COL5A2: variants seen among roughly 807,000 people sequenced by gnomAD.
COL5A2 encodes the protein collagen alpha-2(V) chain.
In COL5A2, 23 loss-of-function variants were observed where a neutral mutation model predicts 208.2. That is an observed-to-expected ratio of 0.11 (90% confidence interval 0.08 to 0.16). The LOEUF (loss-of-function observed/expected upper bound fraction) is 0.16, where lower values mean the gene tolerates loss of function less well. COL5A2 is among the 10% of genes least tolerant of loss of function. The probability of loss-of-function intolerance (pLI) is 1.00; values close to 1 mark genes in which losing one functional copy is unlikely to be tolerated. For synonymous variants in COL5A2, 625 were observed against 628.5 expected (o/e 0.99, Z 0.08); for missense variants, 1,590 against 1,956.4 (o/e 0.81, Z 3.53).
chr2:189,232,861 A>G, the COL5A2 span, among the ~76,000 whole-genome samples: 1 of 151,694 alleles, frequency 6.6e-6, no homozygotes, highest in South Asian at 2.1e-4. Flanking sequence ...TTGATCTTAA[A>G]CTTCCCAGCC....
the COL5A2 span, among the ~76,000 whole-genome samples, chr2:189,432,878 A>G: frequency 7.2e-5 from 11 of 152,208 alleles, no homozygotes; most frequent in East Asian, 1.9e-4. Context: ...AAGAATATAC[A>G]TTATTCTCTG....
At chr2:189,355,376 G>T in the COL5A2 span, among the ~76,000 whole-genome samples, 1 of 152,088 alleles carries the variant, frequency 6.6e-6, no homozygotes. Context: ...TATTGACAGT[G>T]GGGTGTTAAA....
At chr2:189,124,904 T>C (rs1481326933) in intron 1 of COL5A2, among the ~76,000 whole-genome samples, 1 of 152,148 alleles carries the variant, frequency 6.6e-6, no homozygotes, top group African/African-American at 2.4e-5. Flanking sequence ...ATAAATGTAA[T>C]TGCTCACTTT....
chr2:189,102,284 A>C, intron 3 of COL5A2, among the ~76,000 whole-genome samples: 1 of 152,110 alleles, frequency 6.6e-6, no homozygotes, highest in East Asian at 1.9e-4. Context: ...GTAGGGGAAT[A>C]GAACTCTCTG....
upstream of COL5A2, among the ~76,000 whole-genome samples, chr2:189,226,608 T>A (rs1033079945): frequency 6.6e-6 from 1 of 152,118 alleles, no homozygotes; most frequent in African/African-American, 2.4e-5. Context: ...GGTTTTTGTC[T>A]TGCCTGTCTT....
chr2:189,426,168 C>T, the COL5A2 span, among the ~76,000 whole-genome samples: 8 of 152,090 alleles, frequency 5.3e-5, no homozygotes, highest in Non-Finnish European at 1.0e-4. Context: ...TTCCTAGAGA[C>T]TTGATAAGTT....
the COL5A2 span, among the ~76,000 whole-genome samples, chr2:189,273,575 T>C: frequency 1.3e-5 from 2 of 151,996 alleles, no homozygotes; most frequent in African/African-American, 4.8e-5. Flanking sequence ...TTATTCACAA[T>C]AGACAAGACA....
the COL5A2 span, among the ~76,000 whole-genome samples, chr2:189,276,175 A>G: frequency 6.6e-6 from 1 of 152,188 alleles, no homozygotes; most frequent in Non-Finnish European, 1.5e-5. Flanking sequence ...GCTGCTAGGA[A>G]ATTGCAGTAA....
At chr2:189,166,330 A>AT (rs570782908) in intron 1 of COL5A2, among the ~76,000 whole-genome samples, 1,609 of 147,058 alleles carry the variant, frequency 0.011, 20 homozygotes, top group East Asian at 0.056. Context: ...GACAGGTTGA[A>AT]TTTTTTTTTT....
At chr2:189,055,335 G>A (rs1685880935) in intron 35 of COL5A2, among the ~76,000 whole-genome samples, 1 of 152,178 alleles carries the variant, frequency 6.6e-6, no homozygotes, top group African/African-American at 2.4e-5. Flanking sequence ...CTTCTTGACA[G>A]GTAATCACAA....
At chr2:189,299,479 G>A in the COL5A2 span, among the ~76,000 whole-genome samples, 38 of 152,246 alleles carry the variant, frequency 2.5e-4, no homozygotes, top group African/African-American at 8.9e-4. Context: ...GCTGAGATCT[G>A]ATATCAACAT....
chr2:189,217,329 T>C lies in COL5A2; in HGVS notation c.-42+7819A>G, dbSNP rs1196387593. ...CAGCAATGTGTGCACATAATCATAT[T>C]TATAATACAAGTATAAAAAAAGATA... is the stretch of plus-strand genomic sequence containing the variant. On this transcript the variant is annotated intron_variant, in intron 1 of 10. Transcript: ENST00000649966. Among the ~76,000 whole-genome samples, 3 of 152,312 alleles carry C rather than the reference T, an allele frequency of 2.0e-5. No homozygotes were observed. The East Asian group carries it at 5.8e-4, about 29-fold the overall frequency.
chr2:189,363,097 T>C, the COL5A2 span, among the ~76,000 whole-genome samples: 1 of 152,146 alleles, frequency 6.6e-6, no homozygotes, highest in Non-Finnish European at 1.5e-5. Context: ...ATTCAAAATC[T>C]ATAAAATGAC....
At chr2:189,180,279 G>A (rs1441022635), upstream of COL5A2, among the ~76,000 whole-genome samples, 5 of 152,092 alleles carry the variant, frequency 3.3e-5, no homozygotes, top group Non-Finnish European at 7.4e-5. Flanking sequence ...CCATACTCTG[G>A]AAGGAGATTA....
At chr2:189,324,389 T>C in the COL5A2 span, among the ~76,000 whole-genome samples, 2 of 152,066 alleles carry the variant, frequency 1.3e-5, no homozygotes, top group East Asian at 1.9e-4. Context: ...ACCTACAGAA[T>C]GGGAGAAAAT....
At position 189,079,050 on chromosome 2, in the gene COL5A2, A is replaced by G. The variant is rs774223086; in HGVS notation, c.1005+13T>C. The G allele has an allele frequency of 6.2e-7, 1 of 1,608,596 alleles. No homozygotes were observed. Among genetic ancestry groups the G allele is most frequent in the Non-Finnish European group, 8.5e-7 (1 of 1,175,258 alleles). The stretch of plus-strand genomic sequence containing the variant: ...ACCTTAGAAATTTAAGAAACAAGAA[A>G]ACGAGCACATACCAGAGGACCCATG... On this transcript the variant is annotated intron_variant, in intron 15 of 53. Transcript: ENST00000374866.
At chr2:189,260,216 T>C in the COL5A2 span, among the ~76,000 whole-genome samples, 2 of 152,284 alleles carry the variant, frequency 1.3e-5, no homozygotes, top group East Asian at 3.9e-4. Context: ...TATTGTACAG[T>C]TCATTTCAGG....
At chr2:189,194,605 T>G (rs1479475319) in intron 1 of COL5A2, among the ~76,000 whole-genome samples, 2 of 152,192 alleles carry the variant, frequency 1.3e-5, no homozygotes, top group Non-Finnish European at 2.9e-5. Flanking sequence ...AGTTGTTAAA[T>G]TCTTAAGCTG....
the COL5A2 span, among the ~76,000 whole-genome samples, chr2:189,343,123 C>T: frequency 4.6e-5 from 7 of 151,910 alleles, no homozygotes; most frequent in African/African-American, 1.7e-4. Context: ...CTTACACAGA[C>T]AATGTATGAC....
Sources: gnomAD v4.1 joint callset for allele counts (sites outside exome capture counted in the v4.1 genomes callset) on GRCh38, gnomAD v4.1.1 for gene constraint, MANE v1.5 for transcripts, NCBI Gene and HGNC (gene_info 2026-07-23, HGNC 2026-07-21) for gene names.